FRMD5: variants seen among roughly 807,000 people sequenced by gnomAD.
FRMD5 encodes the protein FERM domain-containing protein 5.
A neutral mutation model predicts 69.0 loss-of-function variants in FRMD5; 20 were observed. That is an observed-to-expected ratio of 0.29 (90% CI 0.20 to 0.42). FRMD5 has a LOEUF of 0.42. FRMD5 is among the 10% of genes least tolerant of loss of function. The probability of loss-of-function intolerance (pLI) is 1.00; values close to 1 mark genes in which losing one functional copy is unlikely to be tolerated. For missense variants in FRMD5, 595 were observed against 708.6 expected, an observed-to-expected ratio of 0.84 and a Z score of 1.82; for synonymous variants, 271 against 260.1, an observed-to-expected ratio of 1.04 and a Z score of -0.40.
chr15:43,958,668 A>G (rs1041182243), intron 1 of FRMD5, among the ~76,000 whole-genome samples: 36 of 152,156 alleles, frequency 2.4e-4, no homozygotes, highest in Admixed American at 2.4e-3. Context: ...TCCTGGACTC[A>G]AGCAATCTGC....
chr15:44,032,844 A>C (rs1891742950), intron 1 of FRMD5, among the ~76,000 whole-genome samples: 1 of 152,204 alleles, frequency 6.6e-6, no homozygotes, highest in Non-Finnish European at 1.5e-5. Flanking sequence ...TGGACCCAGC[A>C]ATCCCATTAC....
chr15:43,979,447 AG>A (rs1409250770), intron 1 of FRMD5, among the ~76,000 whole-genome samples: 2 of 152,202 alleles, frequency 1.3e-5, no homozygotes, highest in Non-Finnish European at 2.9e-5. Context: ...ATGCAAGGAA[AG>A]GCCACTAGAG....
chr15:44,110,071 A>G (rs534321960), intron 1 of FRMD5, among the ~76,000 whole-genome samples: 2 of 151,902 alleles, frequency 1.3e-5, no homozygotes, highest in African/African-American at 2.4e-5. Flanking sequence ...TTTGTATGTA[A>G]TTTTTTTGTA....
intron 1 of FRMD5, among the ~76,000 whole-genome samples, chr15:43,991,151 C>T (rs1889656976): frequency 6.6e-6 from 1 of 152,178 alleles, no homozygotes; most frequent in Non-Finnish European, 1.5e-5. Context: ...AGTTAAGATG[C>T]TGTGATTTTT....
rs56687595 is a variant in FRMD5 at position 44,176,969 on chromosome 15, TAAA to T, written c.102+17981_102+17983del. The stretch of plus-strand genomic sequence containing the variant: ...AAGAAAGTTCATAAAATAAAATATG[TAAA>T]AAAAAAAAAAAAAAGGCAGACAATA... On this transcript the variant is annotated intron_variant, in intron 1 of 13. Transcript: ENST00000417257. Among the ~76,000 whole-genome samples the T allele has an allele frequency of 2.6e-3, 353 of 137,426 alleles. 1 individual carries two copies. The highest frequency in any genetic ancestry group is 3.8e-3 in the East Asian group (18 of 4,748). The allele number at this position is 137,426 out of a possible 152,430, so 90.2% of individuals were successfully genotyped here.
intron 1 of FRMD5, among the ~76,000 whole-genome samples, chr15:44,186,860 G>A (rs2078110844): frequency 6.6e-6 from 1 of 152,312 alleles, no homozygotes; most frequent in East Asian, 1.9e-4. Context: ...CTCTAGCCTG[G>A]CATTGTGTTG....
chr15:44,079,805 A>T (rs1258203315), intron 1 of FRMD5, among the ~76,000 whole-genome samples: 1 of 152,128 alleles, frequency 6.6e-6, no homozygotes, highest in Non-Finnish European at 1.5e-5. Context: ...ATTCAGTCTT[A>T]AAAAGGAAGG....
chr15:43,980,344 T>C (rs2140618857), intron 1 of FRMD5, among the ~76,000 whole-genome samples: 1 of 152,324 alleles, frequency 6.6e-6, no homozygotes, highest in East Asian at 1.9e-4. Context: ...TGTGGGGAGA[T>C]ATCCTTAACA....
intron 1 of FRMD5, among the ~76,000 whole-genome samples, chr15:44,130,297 T>C (rs184614006): frequency 3.7e-4 from 57 of 152,346 alleles, no homozygotes; most frequent in African/African-American, 1.4e-3. Context: ...CTGCCTCGCC[T>C]TCATGGCCTT....
rs536486548 is a variant in FRMD5, at chr15:43,874,258, C to T, written c.1340G>A (p.Arg447Gln). 29 of 1,614,210 alleles carry T rather than the reference C, an allele frequency of 1.8e-5. No homozygotes were observed. The highest frequency in any genetic ancestry group is 9.9e-5 in the South Asian group (9 of 91,088). ...GCTGCAGGTGGCTCCATTGATCTGC[C>T]GGGAAAGCAACATCAGCTCCAGGCT... ...EHSLELMLLS[R>Q]QINGATCSIE... Residue 447 changes from arginine (R) to glutamine (Q), a missense_variant, in exon 14 of 14, where the codon CGG (arginine) becomes CAG (glutamine). Physicochemically the swap from Arg to Gln is conservative, Grantham distance 43. Transcript: ENST00000417257.
rs1303234230 is a variant in FRMD5 at position 43,905,940 on chromosome 15, C to T, written c.439G>A (p.Asp147Asn). The change falls in exon 6 of 14, where the codon GAT becomes AAT. Residue 147 changes from aspartate (D) to asparagine (N), a missense_variant. Transcript: ENST00000417257. The stretch of plus-strand genomic sequence containing the variant: ...TCAGGGTGTTTCCCTGAGTCATAAT[C>T]CCCAATCTCCGCTTTCAAAAGGAAG... Reference protein sequence around the residue: ...AAYILQAEIGDYDSGKHPEGY... With the variant: ...AAYILQAEIGNYDSGKHPEGY... 5 of 1,614,078 alleles carry T rather than the reference C, an allele frequency of 3.1e-6. No individual in the cohort carries two copies. The highest frequency in any genetic ancestry group is 1.1e-5 in the South Asian group (1 of 91,078).
At chr15:44,028,345 G>A (rs1351490669) in intron 1 of FRMD5, among the ~76,000 whole-genome samples, 2 of 152,180 alleles carry the variant, frequency 1.3e-5, no homozygotes, top group Admixed American at 1.3e-4. Context: ...CAGACTATGC[G>A]AGATGGAAGT....
At chr15:44,075,701 G>A (rs1027563923) in intron 1 of FRMD5, among the ~76,000 whole-genome samples, 2 of 152,066 alleles carry the variant, frequency 1.3e-5, no homozygotes, top group Admixed American at 1.3e-4. Flanking sequence ...TTCTATAGAC[G>A]TTCCACAGGA....
chr15:44,135,173 G>A (rs918601545), intron 1 of FRMD5, among the ~76,000 whole-genome samples: 1 of 152,090 alleles, frequency 6.6e-6, no homozygotes, highest in African/African-American at 2.4e-5. Context: ...AAAGATGTGT[G>A]GTTCATACAA....
rs140090267 is a variant in FRMD5, at chr15:43,884,033, C to G, written c.1029-224G>C. Among the ~76,000 whole-genome samples, 5 of 152,260 alleles carry G rather than the reference C, an allele frequency of 3.3e-5. No homozygotes were observed. In the East Asian group the frequency reaches 9.7e-4, roughly 29 times the overall value. On this transcript the variant is annotated intron_variant, in intron 12 of 13. Coordinates refer to ENST00000417257, the MANE Select transcript of FRMD5 (RefSeq NM_032892.5). ...CTTTGTAACCCTAGACTCATCTGAACCTTTTTTTTAGTGTGGCAGCAGTGC... is the reference window on the plus strand; with the variant it reads ...CTTTGTAACCCTAGACTCATCTGAAGCTTTTTTTTAGTGTGGCAGCAGTGC...
intron 1 of FRMD5, among the ~76,000 whole-genome samples, chr15:43,952,569 G>T (rs1199376056): frequency 2.0e-5 from 3 of 152,160 alleles, no homozygotes; most frequent in African/African-American, 7.2e-5. Context: ...GGAACGCTTG[G>T]GTGACCAAGG....
At chr15:44,121,145 G>C (rs2076943856) in intron 1 of FRMD5, among the ~76,000 whole-genome samples, 2 of 41,150 alleles carry the variant, frequency 4.9e-5, no homozygotes, top group South Asian at 2.5e-3. Flanking sequence ...GAAAAGAGTA[G>C]TAATTATGTT....
intron 1 of FRMD5, among the ~76,000 whole-genome samples, chr15:43,999,953 C>CATATATATAT (rs34872140): frequency 6.2e-4 from 51 of 82,888 alleles, no homozygotes; most frequent in African/African-American, 1.9e-3. Flanking sequence ...ATATGCCATG[C>CATATATATAT]ATATATATAT....
chr15:43,891,598 A>G (rs1193877809), intron 8 of FRMD5, among the ~76,000 whole-genome samples: 2 of 152,184 alleles, frequency 1.3e-5, no homozygotes, highest in Non-Finnish European at 2.9e-5. Context: ...GCACTAAGCC[A>G]TCCACAGAGA....
Sources: allele counts gnomAD v4.1 joint callset (sites outside exome capture counted in the v4.1 genomes callset), GRCh38; gene constraint gnomAD v4.1.1; transcripts MANE v1.5; gene names NCBI Gene and HGNC (gene_info 2026-07-23, HGNC 2026-07-21).